The following COX10 variants were observed in gnomAD, a reference collection of about 807,000 sequenced individuals.
COX10 encodes the protein cytochrome c oxidase assembly factor heme A:farnesyltransferase COX10.
A neutral mutation model predicts 37.3 loss-of-function variants in COX10; 27 were observed. The observed-to-expected ratio is 0.72, with a 90% CI of 0.53 to 1.00. COX10 has a LOEUF of 1.00. COX10 is among the 50% of genes least tolerant of loss of function. COX10 has a pLI of 0.00. For synonymous variants in COX10, 222 were observed against 229.1 expected (o/e 0.97, Z 0.28); for missense variants, 475 against 563.2 (o/e 0.84, Z 1.59).
rs756279622 is a variant in COX10 at position 14,192,020 on chromosome 17, T to A, written c.727T>A (p.Cys243Ser). 3.7e-6 allele frequency: 6 copies of A among 1,614,222 alleles called. No individual in the cohort carries two copies. The Admixed American group carries it at 5.0e-5, about 13-fold the overall frequency. ...PLLAVSFATC[C>S]AVPGVAILTL... Reference sequence around the variant, plus strand: ...GCTAGCTGTGTCCTTTGCCACTTGTTGTGCTGTTCCGGGAGTTGCCATTCT... The same window carrying A: ...GCTAGCTGTGTCCTTTGCCACTTGTAGTGCTGTTCCGGGAGTTGCCATTCT... Residue 243 changes from cysteine to serine, a missense_variant, in exon 6 of 7, where the codon TGT becomes AGT. Physicochemically the swap from Cys to Ser is moderately radical, Grantham distance 112 (BLOSUM62 -1). Coordinates refer to ENST00000261643, the MANE Select transcript of COX10 (RefSeq NM_001303.4).
intron 4 of COX10, among the ~76,000 whole-genome samples, chr17:14,105,710 A>G (rs1458524053): frequency 6.6e-6 from 1 of 152,184 alleles, no homozygotes; most frequent in Non-Finnish European, 1.5e-5. Context: ...ATTTTATTTT[A>G]CTTTTCCTTT....
intron 3 of COX10, among the ~76,000 whole-genome samples, chr17:14,079,647 A>T (rs137924986): frequency 1.3e-5 from 2 of 152,274 alleles, no homozygotes; most frequent in African/African-American, 4.8e-5. Flanking sequence ...GTATTTTAAA[A>T]TTTCCATTAA....
intron 5 of COX10, among the ~76,000 whole-genome samples, chr17:14,172,237 T>C (rs185741585): frequency 2.2e-4 from 34 of 151,842 alleles, no homozygotes; most frequent in Admixed American, 7.9e-4. Flanking sequence ...AGGTATCTTT[T>C]TGATTAATGT....
chr17:14,164,870 T>C (rs1905243198), intron 5 of COX10, among the ~76,000 whole-genome samples: 1 of 152,160 alleles, frequency 6.6e-6, no homozygotes, highest in Non-Finnish European at 1.5e-5. Context: ...ATCAGGTGAT[T>C]AGGATGAAAG....
chr17:14,120,818 C>T (rs1479921511), intron 4 of COX10, among the ~76,000 whole-genome samples: 1 of 152,154 alleles, frequency 6.6e-6, no homozygotes, highest in Non-Finnish European at 1.5e-5. Context: ...TATAGTGTCC[C>T]AAGATTTGTG....
intron 6 of COX10, among the ~76,000 whole-genome samples, chr17:14,202,372 G>A (rs1032109294): frequency 7.9e-5 from 12 of 151,992 alleles, no homozygotes; most frequent in African/African-American, 2.4e-4. Flanking sequence ...CTATAGGCAC[G>A]TGGCACCTTG....
At chr17:14,125,271 T>C (rs751422071) in intron 4 of COX10, among the ~76,000 whole-genome samples, 3 of 152,188 alleles carry the variant, frequency 2.0e-5, no homozygotes, top group Non-Finnish European at 2.9e-5. Context: ...CATGCCTGTT[T>C]TGCACAACAT....
At chr17:14,190,500 A>G (rs1180414604) in intron 5 of COX10, among the ~76,000 whole-genome samples, 2 of 152,326 alleles carry the variant, frequency 1.3e-5, no homozygotes, top group South Asian at 2.1e-4. Context: ...TTCTGTCACA[A>G]GCACCTTGAC....
intron 6 of COX10, among the ~76,000 whole-genome samples, chr17:14,194,294 G>A (rs546345857): frequency 1.3e-5 from 2 of 152,278 alleles, no homozygotes; most frequent in South Asian, 2.1e-4. Flanking sequence ...TGTGCAGGCT[G>A]GAGTTGCCTC....
At chr17:14,093,247 CT>C (rs1372787647) in intron 3 of COX10, among the ~76,000 whole-genome samples, 2 of 151,846 alleles carry the variant, frequency 1.3e-5, no homozygotes, top group African/African-American at 4.8e-5. Flanking sequence ...TGTTTTTTCT[CT>C]TAGTTCTTTT....
In COX10 at chr17:14,150,754, A is replaced by G. The variant is rs138855673; in HGVS notation, c.625-9123A>G. On this transcript the variant is annotated intron_variant, in intron 4 of 6. Transcript: ENST00000261643. ...AGTGTAAGGTACTGGATTCTTTAGC[A>G]TTTGAGACCGTGAACAAGAGCCTTC... Among the ~76,000 whole-genome samples the G allele has an allele frequency of 8.1e-4, 123 of 152,292 alleles. 1 individual carries two copies. The East Asian group carries it at 0.017, about 21-fold the overall frequency.
At chr17:14,197,301 G>A (rs781079550) in intron 6 of COX10, among the ~76,000 whole-genome samples, 5 of 152,164 alleles carry the variant, frequency 3.3e-5, no homozygotes, top group South Asian at 2.1e-4. Flanking sequence ...TGTGCTTTTT[G>A]TGGTGGCTAC....
rs1034323463 is a variant in COX10, at chr17:14,208,613, C to T, written c.*1400C>T. ...TGGAAAAAGCCTCTACAACTTGTTA[C>T]AGCCTTCACATTTGTACAATTCATT... On this transcript the variant is annotated 3_prime_UTR_variant, in exon 7 of 7. Coordinates refer to ENST00000261643, the MANE Select transcript of COX10 (RefSeq NM_001303.4). 9 of 152,210 alleles carry T rather than the reference C, an allele frequency of 5.9e-5. No individual in the cohort carries two copies. The highest frequency in any genetic ancestry group is 1.7e-4 in the African/African-American group (7 of 41,448). The allele number at this position is 152,210 out of a possible 1,614,324, so 9.4% of individuals were successfully genotyped here. A position where few individuals can be genotyped will look rare whatever the true frequency, so the allele number is the denominator to read the frequency against.
intron 5 of COX10, among the ~76,000 whole-genome samples, chr17:14,172,540 A>G (rs187648371): frequency 7.0e-5 from 10 of 142,576 alleles, no homozygotes; most frequent in Admixed American, 2.8e-4. Flanking sequence ...TTTCTCGTAT[A>G]CCTTTTGGCT....
At chr17:14,109,101 A>C (rs1175708752) in intron 4 of COX10, among the ~76,000 whole-genome samples, 1 of 152,212 alleles carries the variant, frequency 6.6e-6, no homozygotes, top group African/African-American at 2.4e-5. Context: ...ACTTGCATTC[A>C]TTCAGTGGTC....
At chr17:14,191,953 G>A in intron 5 of COX10, 36 bp from the exon 6 acceptor site, 1 of 1,607,576 alleles carries the variant, frequency 6.2e-7, no homozygotes, top group African/African-American at 1.3e-5. Flanking sequence ...AGTTGAGTTG[G>A]AGATGATCAC....
intron 3 of COX10, among the ~76,000 whole-genome samples, chr17:14,085,377 C>T (rs1915387486): frequency 6.6e-6 from 1 of 152,122 alleles, no homozygotes; most frequent in Non-Finnish European, 1.5e-5. Context: ...CTCATCAATA[C>T]AATTAAATCT....
At chr17:14,143,294 T>C (rs922189614) in intron 4 of COX10, among the ~76,000 whole-genome samples, 1 of 152,244 alleles carries the variant, frequency 6.6e-6, no homozygotes, top group African/African-American at 2.4e-5. Context: ...TTTTCATTTA[T>C]CATTCCAATT....
chr17:14,073,236 T>C (rs1915068549), intron 1 of COX10, among the ~76,000 whole-genome samples: 1 of 152,158 alleles, frequency 6.6e-6, no homozygotes, highest in Non-Finnish European at 1.5e-5. Flanking sequence ...ATAGTCCAAA[T>C]GTAAGATGAT....
Sources: allele counts gnomAD v4.1 joint callset (sites outside exome capture counted in the v4.1 genomes callset), GRCh38; gene constraint gnomAD v4.1.1; transcripts MANE v1.5; gene names NCBI Gene and HGNC (gene_info 2026-07-23, HGNC 2026-07-21).